Variants in KCNIP3 observed in about 807,000 individuals in gnomAD.
KCNIP3 encodes potassium voltage-gated channel interacting protein 3.
In KCNIP3, 28 loss-of-function variants were observed where a neutral mutation model predicts 35.0. The observed-to-expected ratio is 0.80, with a 90% CI of 0.59 to 1.10. KCNIP3 has a LOEUF of 1.10. Among genes scored for constraint, KCNIP3 ranks in the 50% least tolerant of loss-of-function variants. KCNIP3 has a pLI of 0.00. For synonymous variants in KCNIP3, 134 were observed against 133.8 expected (o/e 1.00, Z -0.01); for missense variants, 295 against 338.4 (o/e 0.87, Z 1.01).
intron 2 of KCNIP3, among the ~76,000 whole-genome samples, chr2:95,331,737 C>T (rs1450329006): frequency 6.6e-6 from 1 of 152,238 alleles, no homozygotes. Flanking sequence ...CTCCCAGCTT[C>T]TTACCCGATC....
chr2:95,350,508 T>G (rs1431674675), intron 2 of KCNIP3, among the ~76,000 whole-genome samples: 1 of 152,174 alleles, frequency 6.6e-6, no homozygotes, highest in Non-Finnish European at 1.5e-5. Flanking sequence ...AGCCTTCTCC[T>G]GTCCCCTCTG....
At position 95,376,126 on chromosome 2, in the gene KCNIP3, G is replaced by A. The variant is rs1680179824; in HGVS notation, c.447+918G>A. ...CCACACTCTGAGGGCTCTGCACATA[G>A]AAGCAGACCGTGTTTTCAAATCTTG... On this transcript the variant is annotated intron_variant, in intron 5 of 8. Transcript: ENST00000295225. The surrounding 1 kb of genome is among the most constrained non-coding windows in gnomAD (Gnocchi z 4.2). 6.6e-6 allele frequency among the ~76,000 whole-genome samples: 1 copy of A among 152,212 alleles called. No individual in the cohort carries two copies.
chr2:95,302,270 AG>A (rs1280607796), intron 1 of KCNIP3, among the ~76,000 whole-genome samples: 1 of 152,202 alleles, frequency 6.6e-6, no homozygotes, highest in Admixed American at 6.5e-5. Flanking sequence ...CCGGAAAGGA[AG>A]GGGGTGAGAA....
At chr2:95,298,933 CAG>C (rs1225842916) in intron 1 of KCNIP3, 2 of 152,186 alleles carry the variant, frequency 1.3e-5, no homozygotes, top group Non-Finnish European at 2.9e-5. Flanking sequence ...TGGGAATTTC[CAG>C]AGTCAGGCTG....
rs760368537 is a variant in KCNIP3 at position 95,374,875 on chromosome 2, G to A, written c.334G>A (p.Asp112Asn). ...GTGTCCCACGGGCCTGGTGGACGAA[G>A]ACACCTTCAAACTCATTTACGCGCA... Reference protein sequence around the residue: ...NECPTGLVDEDTFKLIYAQFF... With the variant: ...NECPTGLVDENTFKLIYAQFF... Residue 112 changes from aspartate (D) to asparagine (N), a missense_variant, in exon 4 of 9, where the codon GAC (aspartate) becomes AAC (asparagine). Asp to Asn is a conservative substitution (Grantham distance 23, BLOSUM62 1). Transcript: ENST00000295225. 5.0e-6 allele frequency: 8 copies of A among 1,613,986 alleles called. No individual in the cohort carries two copies. In the South Asian group the frequency reaches 7.7e-5, roughly 16 times the overall value.
At chr2:95,303,137 G>T (rs968274465) in intron 1 of KCNIP3, 4 of 152,180 alleles carry the variant, frequency 2.6e-5, no homozygotes, top group African/African-American at 9.7e-5. Context: ...CGGCTCGAGG[G>T]TTTCACCTTG....
rs374271682 is a variant in KCNIP3, at chr2:95,375,091, C to A, written c.377-47C>A. The stretch of plus-strand genomic sequence containing the variant: ...GGGTTGCCTGGGGTGGGAGATGAGC[C>A]GCCAGGCAGCCCCGACACACCCCAG... On this transcript the variant is annotated intron_variant, in intron 4 of 8. Coordinates refer to ENST00000295225, the MANE Select transcript of KCNIP3 (RefSeq NM_013434.5). The A allele has an allele frequency of 5.7e-6, 9 of 1,592,322 alleles. No homozygotes were observed. The African/African-American group carries it at 1.2e-4, about 21-fold the overall frequency.
Position 95,374,345 on chromosome 2 carries a change from G to A in KCNIP3, c.231G>A (p.Glu77=), listed in dbSNP as rs763377174. ...TGTCCACGGTGCGCCACCAGCCAGAGGGGCTGGACCAGCTGCAGGCCCAGA... is the reference window on the plus strand; with the variant it reads ...TGTCCACGGTGCGCCACCAGCCAGAAGGGCTGGACCAGCTGCAGGCCCAGA... ...LELSTVRHQP[E]GLDQLQAQTK... The change falls in exon 3 of 9, where the codon GAG becomes GAA. Residue 77 remains glutamate, a synonymous_variant. Transcript: ENST00000295225. 9 of 1,613,990 alleles carry A rather than the reference G, an allele frequency of 5.6e-6. No homozygotes were observed. The East Asian group carries it at 1.3e-4, about 24-fold the overall frequency.
At chr2:95,355,082 G>C (rs910538451) in intron 2 of KCNIP3, 9 of 152,294 alleles carry the variant, frequency 5.9e-5, no homozygotes, top group African/African-American at 2.2e-4. Flanking sequence ...GGGAGCGGCA[G>C]AGTCAGGACC....
chr2:95,381,343 G>T (rs1272089329), intron 5 of KCNIP3, among the ~76,000 whole-genome samples: 3 of 151,544 alleles, frequency 2.0e-5, no homozygotes, highest in African/African-American at 7.3e-5. Context: ...CCTCACACAG[G>T]TGCACACCCT....
chr2:95,383,857 C>CAGCT (rs1352078305), intron 8 of KCNIP3, 145 bp from the exon 9 acceptor site: 2 of 741,178 alleles, frequency 2.7e-6, no homozygotes, highest in Non-Finnish European at 4.8e-6. Flanking sequence ...TACTTCACCT[C>CAGCT]CCTGTCCCCC....
chr2:95,306,497 G>T (rs1242283012), intron 1 of KCNIP3, among the ~76,000 whole-genome samples: 1 of 152,222 alleles, frequency 6.6e-6, no homozygotes, highest in Non-Finnish European at 1.5e-5. Flanking sequence ...GTTCACAAGG[G>T]CTGGGTGAAG....
chr2:95,319,636 A>G (rs1000667654), intron 2 of KCNIP3, among the ~76,000 whole-genome samples: 1 of 151,990 alleles, frequency 6.6e-6, no homozygotes, highest in South Asian at 2.1e-4. Context: ...TCTTCCCTGG[A>G]GGGGCTAGAG....
At chr2:95,325,465 G>A (rs1207973667) in intron 2 of KCNIP3, among the ~76,000 whole-genome samples, 1 of 152,146 alleles carries the variant, frequency 6.6e-6, no homozygotes, top group Non-Finnish European at 1.5e-5. Context: ...CGTGAGGAGG[G>A]TCCTGGCCAG....
intron 2 of KCNIP3, among the ~76,000 whole-genome samples, chr2:95,353,406 G>A (rs368157138): frequency 3.8e-4 from 58 of 152,304 alleles, no homozygotes; most frequent in African/African-American, 1.3e-3. Flanking sequence ...AGAGCGCGAG[G>A]CAGCCAGCAT....
intron 2 of KCNIP3, among the ~76,000 whole-genome samples, chr2:95,345,057 G>C (rs931141139): frequency 6.6e-6 from 1 of 152,234 alleles, no homozygotes; most frequent in East Asian, 1.9e-4. Context: ...CCTTTGGTCA[G>C]TGGAGAATCA....
chr2:95,357,675 G>A (rs1330384552), intron 2 of KCNIP3, among the ~76,000 whole-genome samples: 1 of 152,200 alleles, frequency 6.6e-6, no homozygotes, highest in Non-Finnish European at 1.5e-5. Flanking sequence ...ACCCAGGACT[G>A]CAGGAATTCC....
chr2:95,303,297 G>C (rs886907775), intron 1 of KCNIP3: 1 of 152,258 alleles, frequency 6.6e-6, no homozygotes, highest in Non-Finnish European at 1.5e-5. Context: ...GGAGCCACGA[G>C]GCAAAATGTC....
intron 2 of KCNIP3, among the ~76,000 whole-genome samples, chr2:95,372,429 G>A (rs953731148): frequency 1.3e-5 from 2 of 152,208 alleles, no homozygotes; most frequent in Non-Finnish European, 2.9e-5. Flanking sequence ...CCTGGCGTGG[G>A]ATGCTGGTTT....
Sources: allele counts gnomAD v4.1 joint callset (sites outside exome capture counted in the v4.1 genomes callset), GRCh38; gene constraint gnomAD v4.1.1; non-coding constraint Gnocchi (gnomAD v3.1); transcripts MANE v1.5; gene names NCBI Gene and HGNC (gene_info 2026-07-23, HGNC 2026-07-21).